The following MYH15 variants were observed in gnomAD, a reference collection of about 807,000 sequenced individuals.
MYH15 encodes the protein myosin heavy chain 15, also known as myosin-15.
Under a neutral mutation model 240.5 loss-of-function variants are expected in MYH15, and 227 were observed. The ratio of observed to expected loss-of-function variants is 0.94; its 90% CI spans 0.85 to 1.05. The LOEUF (loss-of-function observed/expected upper bound fraction) is 1.05. MYH15 is among the 50% of genes least tolerant of loss of function. The probability of loss-of-function intolerance (pLI) is 0.00; values close to 1 mark genes in which losing one functional copy is unlikely to be tolerated. For missense variants in MYH15, 2,217 were observed against 2,247.5 expected, an observed-to-expected ratio of 0.99 and a Z score of 0.27; for synonymous variants, 785 against 796.7, an observed-to-expected ratio of 0.99 and a Z score of 0.25.
chr3:108,460,384 A>AG lies in MYH15; in HGVS notation c.1865-18_1865-17insC. The AG allele has an allele frequency of 3.2e-6, 5 of 1,547,422 alleles. No homozygotes were observed. Among genetic ancestry groups the AG allele is most frequent in the Non-Finnish European group, 4.4e-6 (5 of 1,144,790 alleles). ...ATGGTATAGCTAGCAAAAAAAAAAA[A>AG]AGAAAAAGATGAAAACATGTAAAAA... On this transcript the variant is annotated splice_polypyrimidine_tract_variant and intron_variant, in intron 16 of 40. Coordinates refer to ENST00000693548, the MANE Select transcript of MYH15 (RefSeq NM_014981.3).
the MYH15 span, among the ~76,000 whole-genome samples, chr3:108,549,082 G>C: frequency 5.0e-4 from 76 of 152,090 alleles, no homozygotes; most frequent in African/African-American, 1.5e-3. Context: ...GTATACTTTG[G>C]AGACAAACTC....
At chr3:108,460,246 A>G in intron 17 of MYH15, 54 bp downstream of exon 17, 1 of 1,355,218 alleles carries the variant, frequency 7.4e-7, no homozygotes, top group South Asian at 1.4e-5. Flanking sequence ...CTAAATAATA[A>G]CATATGCAGA....
At chr3:108,507,277 A>G (rs2083486116) in intron 1 of MYH15, among the ~76,000 whole-genome samples, 2 of 120,198 alleles carry the variant, frequency 1.7e-5, no homozygotes, top group African/African-American at 3.3e-5. Flanking sequence ...ATATATATAT[A>G]CACATATGAA....
In MYH15 at chr3:108,456,851, A is replaced by G. The variant is rs1462527519; in HGVS notation, c.2053T>C (p.Leu685=). ...ILDPYLVLQQ[L]RCNGVLEGTR... The stretch of plus-strand genomic sequence containing the variant: ...CCTTCCAAGACACCATTACAGCGCA[A>G]CTGCTGTAGAACCAAGTAAGGGTCC... The change falls in exon 19 of 41, where the codon TTG becomes CTG. Residue 685 remains leucine (L), a synonymous_variant. Transcript: ENST00000693548. 15 of 1,613,380 alleles carry G rather than the reference A, an allele frequency of 9.3e-6. No homozygotes were observed. Among genetic ancestry groups the G allele is most frequent in the Non-Finnish European group, 1.3e-5 (15 of 1,179,520 alleles).
chr3:108,433,576 A>C (rs1817235), intron 25 of MYH15, among the ~76,000 whole-genome samples: 114,430 of 149,416 alleles, frequency 0.77, 43,755 homozygotes, highest in Non-Finnish European at 0.78. Flanking sequence ...GTGGGAGGGA[A>C]CCTGTGGGAG....
rs1267178567 is a variant in MYH15 at position 108,476,484 on chromosome 3, A to T, written c.1146T>A (p.Ile382=). 6.2e-7 allele frequency: 1 copy of T among 1,613,130 alleles called. No individual in the cohort carries two copies. Among genetic ancestry groups the T allele is most frequent in the Non-Finnish European group, 8.5e-7 (1 of 1,179,300 alleles). Residue 382 remains isoleucine, a synonymous_variant, in exon 12 of 41, where the codon ATT becomes ATA. Transcript: ENST00000693548. Reference sequence around the variant, plus strand: ...AGCACTTTACCAACTCAGAGGAGTTAATGCCCATGAGGAAAGCAGCTTTGT... The same window carrying T: ...AGCACTTTACCAACTCAGAGGAGTTTATGCCCATGAGGAAAGCAGCTTTGT... The part of the protein sequence containing the change: ...NADKAAFLMG[I]NSSELVKCLI...
At chr3:108,449,816 T>C (rs1485028260) in intron 21 of MYH15, among the ~76,000 whole-genome samples, 1 of 151,958 alleles carries the variant, frequency 6.6e-6, no homozygotes, top group Non-Finnish European at 1.5e-5. Flanking sequence ...AGAAAATATT[T>C]GCAAACTATA....
intron 14 of MYH15, 111 bp downstream of exon 14, chr3:108,469,931 C>T (rs1341315321): frequency 3.8e-6 from 4 of 1,043,156 alleles, no homozygotes; most frequent in South Asian, 1.8e-5. Context: ...CAGGGCTTTC[C>T]GCCCCCATTT....
At chr3:108,417,942 A>G (rs1183207469) in intron 28 of MYH15, among the ~76,000 whole-genome samples, 1 of 152,130 alleles carries the variant, frequency 6.6e-6, no homozygotes, top group Non-Finnish European at 1.5e-5. Flanking sequence ...ATCACTGCTG[A>G]GCTCATCAGA....
At chr3:108,525,799 G>A (rs2107273599) in intron 1 of MYH15, among the ~76,000 whole-genome samples, 1 of 152,066 alleles carries the variant, frequency 6.6e-6, no homozygotes, top group African/African-American at 2.4e-5. Flanking sequence ...TTGGACCCGA[G>A]CAATAAATTT....
rs372218284 is a variant in MYH15, at chr3:108,416,918, C to T, written c.3842G>A (p.Arg1281Gln). 1.5e-5 allele frequency: 24 copies of T among 1,611,674 alleles called. No homozygotes were observed. The highest frequency in any genetic ancestry group is 8.0e-5 in the African/African-American group (6 of 74,812). ...KLWSESGEFLRRLEEKEALIN... is the reference protein window; with the variant it reads ...KLWSESGEFLQRLEEKEALIN... ...CAGAGCCTCCTTCTCTTCAAGCCTC[C>T]GTAGGAACTCGCCTACAGAAAGATT... Residue 1281 changes from arginine (R) to glutamine (Q), a missense_variant, in exon 29 of 41, where the codon CGG becomes CAG. By Grantham distance (43) the Arg-to-Gln change is conservative. Coordinates refer to ENST00000693548, the MANE Select transcript of MYH15 (RefSeq NM_014981.3).
upstream of MYH15, among the ~76,000 whole-genome samples, chr3:108,530,979 G>A (rs572504697): frequency 1.3e-5 from 2 of 152,146 alleles, no homozygotes; most frequent in African/African-American, 2.4e-5. Context: ...CAAGATGAGC[G>A]CTATCATGGG....
chr3:108,381,531 C>T lies in MYH15; in HGVS notation c.*14G>A, dbSNP rs1244226151. The T allele has an allele frequency of 1.2e-6, 2 of 1,613,690 alleles. No individual in the cohort carries two copies. The highest frequency in any genetic ancestry group is 3.3e-5 in the Admixed American group (2 of 60,022). ...TGTACTTCTCCAGCTGTTGTCCTTT[C>T]AAAGCAGGGGATGCTATTCTTCTTG... On this transcript the variant is annotated 3_prime_UTR_variant, in exon 41 of 41. Coordinates refer to ENST00000693548, the MANE Select transcript of MYH15 (RefSeq NM_014981.3).
intron 35 of MYH15, among the ~76,000 whole-genome samples, chr3:108,394,412 T>C (rs1374230023): frequency 1.3e-5 from 2 of 152,218 alleles, no homozygotes; most frequent in Non-Finnish European, 2.9e-5. Flanking sequence ...GGTATCTAGA[T>C]AACCTACAAG....
chr3:108,386,699 C>A (rs1470120236), intron 38 of MYH15, among the ~76,000 whole-genome samples: 1 of 151,862 alleles, frequency 6.6e-6, no homozygotes, highest in Admixed American at 6.6e-5. Flanking sequence ...ATAGATGTTA[C>A]TTCTAATAGA....
intron 3 of MYH15, 72 bp from the exon 4 acceptor site, chr3:108,500,346 TC>T (rs1291609783): frequency 2.7e-6 from 4 of 1,478,602 alleles, no homozygotes; most frequent in Non-Finnish European, 3.7e-6. Flanking sequence ...TCTTCCAGTG[TC>T]AAGTAATATT....
chr3:108,533,445 C>T (rs1429711205), upstream of MYH15, among the ~76,000 whole-genome samples: 1 of 152,068 alleles, frequency 6.6e-6, no homozygotes, highest in Non-Finnish European at 1.5e-5. Context: ...ATGTGACCAC[C>T]ATGCTCACCT....
chr3:108,549,245 G>GA, the MYH15 span, among the ~76,000 whole-genome samples: 6 of 147,890 alleles, frequency 4.1e-5, no homozygotes, highest in East Asian at 2.0e-4. Context: ...TTTTTTTTTA[G>GA]AAAAAAAATA....
intron 27 of MYH15, 80 bp downstream of exon 27, chr3:108,428,412 T>C (rs2107559935): frequency 1.9e-5 from 28 of 1,483,772 alleles, no homozygotes; most frequent in Non-Finnish European, 2.4e-5. Flanking sequence ...TGGCTTATTT[T>C]TCTTTTCCCT....
Sources: gnomAD v4.1 joint callset for allele counts (sites outside exome capture counted in the v4.1 genomes callset) on GRCh38, gnomAD v4.1.1 for gene constraint, MANE v1.5 for transcripts, NCBI Gene and HGNC (gene_info 2026-07-23, HGNC 2026-07-21) for gene names.